Variants in THSD7A observed in about 807,000 individuals in gnomAD.
THSD7A encodes the protein thrombospondin type-1 domain-containing protein 7A.
THSD7A carries 96 observed loss-of-function variants against 231.3 expected under a neutral mutation model. That is an observed-to-expected ratio of 0.41 (90% CI 0.35 to 0.49). THSD7A has a LOEUF of 0.49. THSD7A is among the 20% of genes least tolerant of loss of function. The pLI is 0.05. For synonymous variants in THSD7A, 940 were observed against 743.3 expected (o/e 1.26, Z -4.30); for missense variants, 2,290 against 2,070.2 (o/e 1.11, Z -2.06).
chr7:11,376,528 G>A (rs1430250294), intron 27 of THSD7A, 42 bp downstream of exon 27: 12 of 1,430,680 alleles, frequency 8.4e-6, no homozygotes, highest in African/African-American at 2.8e-5. Context: ...TCTGTGTTAC[G>A]ATTAAGTATC....
At chr7:11,476,354 CA>C (rs1562640770) in intron 7 of THSD7A, among the ~76,000 whole-genome samples, 1 of 149,992 alleles carries the variant, frequency 6.7e-6, no homozygotes, top group African/African-American at 2.5e-5. Context: ...CACACACACA[CA>C]CACACACCAT....
At chr7:11,713,950 A>C (rs773992051) in intron 1 of THSD7A, among the ~76,000 whole-genome samples, 4 of 151,328 alleles carry the variant, frequency 2.6e-5, no homozygotes, top group Non-Finnish European at 1.5e-5. Flanking sequence ...AACAGCAAAT[A>C]TATTAGAATA....
chr7:11,503,735 A>T (rs1787432206), intron 6 of THSD7A, among the ~76,000 whole-genome samples: 1 of 152,252 alleles, frequency 6.6e-6, no homozygotes, highest in African/African-American at 2.4e-5. Context: ...TCATTAGAGA[A>T]ATGCAAATCA....
chr7:11,509,065 G>A (rs1189506501), intron 6 of THSD7A, among the ~76,000 whole-genome samples: 1 of 151,066 alleles, frequency 6.6e-6, no homozygotes, highest in Non-Finnish European at 1.5e-5. Context: ...AAATATGAGG[G>A]TATATCTCAT....
chr7:11,451,229 T>G (rs1785132905), intron 11 of THSD7A, among the ~76,000 whole-genome samples: 1 of 151,958 alleles, frequency 6.6e-6, no homozygotes, highest in Non-Finnish European at 1.5e-5. Flanking sequence ...ACGAACCAAA[T>G]GCAACGTGGA....
chr7:11,734,036 C>T (rs555483067), intron 1 of THSD7A, among the ~76,000 whole-genome samples: 1 of 151,952 alleles, frequency 6.6e-6, no homozygotes, highest in Non-Finnish European at 1.5e-5. Context: ...TAACCTCTTT[C>T]TAGGATCTCT....
At position 11,374,617 on chromosome 7, in the gene THSD7A, TCC is replaced by T. The variant is rs2115277830; in HGVS notation, c.*1175_*1176del. The T allele has an allele frequency of 3.9e-5, 2 of 50,844 alleles. No homozygotes were observed. Among genetic ancestry groups the T allele is most frequent in the South Asian group, 7.4e-4 (2 of 2,718 alleles). The allele number at this position is 50,844 out of a possible 1,614,324, so 3.1% of individuals were successfully genotyped here. A position where few individuals can be genotyped will look rare whatever the true frequency, so the allele number is the denominator to read the frequency against. On this transcript the variant is annotated 3_prime_UTR_variant, in exon 28 of 28. Transcript: ENST00000423059. ...GCTCAAAATTAAAAAGACATCCAGT[TCC>T]TTTTTCTTTTTTTTTCTTAACAAAG...
At chr7:11,696,708 T>C (rs1780413003) in intron 1 of THSD7A, among the ~76,000 whole-genome samples, 1 of 151,234 alleles carries the variant, frequency 6.6e-6, no homozygotes. Flanking sequence ...TTTTAAAACA[T>C]GATGGGGCTA....
chr7:11,460,383 C>A (rs1221378831), intron 11 of THSD7A, among the ~76,000 whole-genome samples: 1 of 151,392 alleles, frequency 6.6e-6, no homozygotes. Flanking sequence ...AACAAAAAAG[C>A]TTCAGTGTAC....
chr7:11,384,690 C>G (rs1413916353), intron 23 of THSD7A: 1 of 151,922 alleles, frequency 6.6e-6, no homozygotes, highest in Non-Finnish European at 1.5e-5. Context: ...TTCTTTTAGT[C>G]TAATGGCTTA....
chr7:11,526,733 A>G (rs1296493270), intron 6 of THSD7A, among the ~76,000 whole-genome samples: 1 of 152,156 alleles, frequency 6.6e-6, no homozygotes, highest in Admixed American at 6.6e-5. Flanking sequence ...CATGTAAGAC[A>G]TGCCTTGCTT....
At chr7:11,543,798 T>C (rs1259120448) in intron 4 of THSD7A, among the ~76,000 whole-genome samples, 1 of 150,616 alleles carries the variant, frequency 6.6e-6, no homozygotes, top group East Asian at 1.9e-4. Context: ...GGATAAATGT[T>C]GCTTGTCCTT....
chr7:11,754,218 T>C (rs1782602437), intron 1 of THSD7A, among the ~76,000 whole-genome samples: 1 of 151,798 alleles, frequency 6.6e-6, no homozygotes, highest in Admixed American at 6.6e-5. Context: ...AGTATGAAAA[T>C]GTTGTCTCTG....
intron 4 of THSD7A, among the ~76,000 whole-genome samples, chr7:11,556,279 G>A (rs1459730109): frequency 6.6e-6 from 1 of 150,582 alleles, no homozygotes; most frequent in East Asian, 1.9e-4. Context: ...TCATATATAT[G>A]GGTGTGTATG....
At chr7:11,664,641 TA>T (rs1343157655) in intron 1 of THSD7A, among the ~76,000 whole-genome samples, 1 of 151,916 alleles carries the variant, frequency 6.6e-6, no homozygotes, top group Non-Finnish European at 1.5e-5. Flanking sequence ...CATAGGAACA[TA>T]AAAGATGACA....
In THSD7A at chr7:11,635,111, T is replaced by C. The variant is rs542465763; in HGVS notation, c.1022+1019A>G. Among the ~76,000 whole-genome samples the C allele has an allele frequency of 4.6e-5, 7 of 152,346 alleles. No homozygotes were observed. The East Asian group carries it at 1.4e-3, about 29-fold the overall frequency. On this transcript the variant is annotated intron_variant, in intron 2 of 27. Coordinates refer to ENST00000423059, the MANE Select transcript of THSD7A (RefSeq NM_015204.3). ...GAGGCCATAAGAAAAACAATCCAGC[T>C]GTTCACCAGAAGCGCAGAGGTCGAA... is the stretch of plus-strand genomic sequence containing the variant.
chr7:11,385,264 T>C (rs1426610187), intron 23 of THSD7A: 1 of 152,112 alleles, frequency 6.6e-6, no homozygotes, highest in Non-Finnish European at 1.5e-5. Flanking sequence ...AATTTTATTT[T>C]TTCATTTTCA....
intron 1 of THSD7A, among the ~76,000 whole-genome samples, chr7:11,688,325 AGTTACT>A (rs1780125850): frequency 6.6e-6 from 1 of 151,836 alleles, no homozygotes; most frequent in South Asian, 2.1e-4. Flanking sequence ...ACCCAAGACC[AGTTACT>A]GGGAATTTCT....
intron 1 of THSD7A, among the ~76,000 whole-genome samples, chr7:11,762,681 G>T (rs762370137): frequency 3.9e-5 from 6 of 151,978 alleles, no homozygotes; most frequent in Non-Finnish European, 5.9e-5. Context: ...TCCCATTCTG[G>T]AAGTTGTCTG....
Sources: allele counts gnomAD v4.1 joint callset (sites outside exome capture counted in the v4.1 genomes callset), GRCh38; gene constraint gnomAD v4.1.1; transcripts MANE v1.5; gene names NCBI Gene and HGNC (gene_info 2026-07-23, HGNC 2026-07-21).